Variants in PTPRQ observed in about 807,000 individuals in gnomAD.
PTPRQ encodes the protein phosphatidylinositol phosphatase PTPRQ.
A neutral mutation model predicts 246.0 loss-of-function variants in PTPRQ; 199 were observed. The ratio of observed to expected loss-of-function variants is 0.81; its 90% CI spans 0.72 to 0.91. The LOEUF (loss-of-function observed/expected upper bound fraction) is 0.91. Among genes scored for constraint, PTPRQ ranks in the 40% least tolerant of loss-of-function variants. The probability of loss-of-function intolerance (pLI) is 0.00; values close to 1 mark genes in which losing one functional copy is unlikely to be tolerated. For synonymous variants in PTPRQ, 869 were observed against 853.2 expected (o/e 1.02, Z -0.32); for missense variants, 2,624 against 2,528.4 (o/e 1.04, Z -0.81).
intron 8 of PTPRQ, among the ~76,000 whole-genome samples, chr12:80,480,182 C>T (rs531971236): frequency 9.3e-4 from 141 of 152,174 alleles, no homozygotes; most frequent in Middle Eastern, 3.4e-3. Context: ...TCTCTGAGAC[C>T]ACAGTGCAAT....
rs544041148 is a variant in PTPRQ, at chr12:80,458,484, A to C, written c.461-800A>C. ...TTTTAGCATCCTTTTGTACAATGTA[A>C]ACCTAAACTCTAGTTATTTGGCATC... On this transcript the variant is annotated intron_variant, in intron 4 of 44. Coordinates refer to ENST00000644991, the MANE Select transcript of PTPRQ (RefSeq NM_001145026.2). 1.2e-3 allele frequency among the ~76,000 whole-genome samples: 176 copies of C among 152,176 alleles called. 1 individual carries two copies. Among genetic ancestry groups the C allele is most frequent in the Non-Finnish European group, 1.6e-3 (109 of 67,944 alleles).
At chr12:80,635,116 G>A (rs1899597148) in intron 35 of PTPRQ, 43 bp downstream of exon 35, 1 of 1,544,968 alleles carries the variant, frequency 6.5e-7, no homozygotes, top group Non-Finnish European at 8.7e-7. Flanking sequence ...AGAGGGCCTG[G>A]AGCCATGACC....
At chr12:80,621,980 T>C in intron 32 of PTPRQ, 81 bp from the exon 33 acceptor site, 1 of 997,094 alleles carries the variant, frequency 1.0e-6, no homozygotes. Flanking sequence ...AATAAATAGT[T>C]TTTATAATTA....
At chr12:80,649,557 G>T in intron 36 of PTPRQ, 31 bp from the exon 37 acceptor site, 2 of 1,547,186 alleles carry the variant, frequency 1.3e-6, no homozygotes, top group South Asian at 2.4e-5. Context: ...AATCTAACAT[G>T]ACCCTATTTT....
intron 16 of PTPRQ, 133 bp downstream of exon 16, chr12:80,506,803 A>T (rs1311386540): frequency 1.6e-6 from 1 of 610,808 alleles, no homozygotes; most frequent in Non-Finnish European, 2.6e-6. Flanking sequence ...TTATACAGAG[A>T]TTTCATTGTC....
chr12:80,649,707 C>A, intron 37 of PTPRQ, 38 bp downstream of exon 37: 1 of 1,522,158 alleles, frequency 6.6e-7, no homozygotes, highest in Non-Finnish European at 8.8e-7. Flanking sequence ...TGCAAGACCT[C>A]CAGTCGTTTC....
intron 25 of PTPRQ, among the ~76,000 whole-genome samples, chr12:80,560,283 G>A (rs1408168764): frequency 6.6e-6 from 1 of 152,258 alleles, no homozygotes; most frequent in South Asian, 2.1e-4. Flanking sequence ...GTATTTTAAG[G>A]CTTGGTGTCA....
At chr12:80,517,431 A>G (rs1895338761) in intron 17 of PTPRQ, among the ~76,000 whole-genome samples, 1 of 152,162 alleles carries the variant, frequency 6.6e-6, no homozygotes, top group African/African-American at 2.4e-5. Context: ...CTTTGATACA[A>G]GCGTGTAACA....
Position 80,541,569 on chromosome 12 carries a change from G to C in PTPRQ, c.3169G>C (p.Val1057Leu). Residue 1057 changes from valine to leucine, a missense_variant, in exon 21 of 45, where the codon GTT becomes CTT. Physicochemically the swap from Val to Leu is conservative, Grantham distance 32. Transcript: ENST00000644991. ...YTDQDIPEGF[V>L]GNLTYESISS... The stretch of plus-strand genomic sequence containing the variant: ...ACCTATCATAGTACCTGAAGGGTTT[G>C]TTGGAAACCTGACTTACGAATCCAT... 1 of 1,528,038 alleles carries C rather than the reference G, an allele frequency of 6.5e-7. No individual in the cohort carries two copies. Among genetic ancestry groups the C allele is most frequent in the Non-Finnish European group, 8.8e-7 (1 of 1,135,154 alleles). The allele number at this position is 1,528,038 out of a possible 1,614,324, so 94.7% of individuals were successfully genotyped here. A position where few individuals can be genotyped will look rare whatever the true frequency, so the allele number is the denominator to read the frequency against.
intron 26 of PTPRQ, among the ~76,000 whole-genome samples, chr12:80,599,161 G>T (rs976278827): frequency 2.0e-4 from 30 of 151,828 alleles, no homozygotes; most frequent in Admixed American, 1.7e-3. Flanking sequence ...ACCCACATAA[G>T]ACCCACATTC....
intron 17 of PTPRQ, among the ~76,000 whole-genome samples, chr12:80,528,480 G>GT (rs11399287): frequency 0.9 from 136,401 of 152,020 alleles, 61,776 homozygotes; most frequent in Non-Finnish European, 0.93. Flanking sequence ...TAAAAGTCTT[G>GT]TTTTTTCTAA....
chr12:80,632,197 G>C lies in PTPRQ; in HGVS notation c.5692G>C (p.Gly1898Arg), dbSNP rs1318263721. ...YSDPVKTLGE[G>R]LSERTVEIIL... is the part of the protein sequence containing the mutation. ...CTGTTATCCCTCTTCTCCAGGGGAA[G>C]GACTTTCAGAAAGAACCGTAGAGAT... The change falls in exon 34 of 45, where the codon GGA becomes CGA. Residue 1898 changes from glycine to arginine, a missense_variant. By Grantham distance (125) the Gly-to-Arg change is moderately radical. Transcript: ENST00000644991. The C allele has an allele frequency of 1.3e-6, 2 of 1,550,702 alleles. No homozygotes were observed. The highest frequency in any genetic ancestry group is 1.7e-6 in the Non-Finnish European group (2 of 1,146,598).
At chr12:80,672,253 G>T (rs1478979689) in intron 42 of PTPRQ, among the ~76,000 whole-genome samples, 1 of 151,538 alleles carries the variant, frequency 6.6e-6, no homozygotes. Context: ...TGATCCAGGT[G>T]CCCAGAACAG....
chr12:80,472,169 A>T lies in PTPRQ; in HGVS notation c.1104A>T (p.Thr368=), dbSNP rs61729291. ...KFAFTNLTPF[T]MYDVYIAAET... is the part of the protein sequence containing the mutation. ...CATTCACTAACCTAACACCATTTAC[A>T]ATGTATGATGTCTATATTGCGGCTG... Residue 368 remains threonine, a synonymous_variant, in exon 8 of 45, where the codon ACA becomes ACT. Transcript: ENST00000644991. 7.1e-6 allele frequency: 11 copies of T among 1,551,598 alleles called. No homozygotes were observed. In the South Asian group the frequency reaches 1.2e-4, roughly 17 times the overall value.
At position 80,613,298 on chromosome 12, in the gene PTPRQ, A is replaced by G. The variant is rs559774496; in HGVS notation, c.4919-294A>G. Among the ~76,000 whole-genome samples the G allele has an allele frequency of 2.0e-5, 3 of 150,658 alleles. No individual in the cohort carries two copies. In the South Asian group the frequency reaches 6.2e-4, roughly 31 times the overall value. ...ATGCCATTGCACTCCAGTCAGGGTGACAAAGGGAGACCCTGTCTCGAAAAC... is the reference window on the plus strand; with the variant it reads ...ATGCCATTGCACTCCAGTCAGGGTGGCAAAGGGAGACCCTGTCTCGAAAAC... On this transcript the variant is annotated intron_variant, in intron 28 of 44. Transcript: ENST00000644991.
intron 35 of PTPRQ, among the ~76,000 whole-genome samples, chr12:80,643,154 A>C (rs1353102144): frequency 6.6e-6 from 1 of 151,940 alleles, no homozygotes; most frequent in African/African-American, 2.4e-5. Flanking sequence ...AAAGTATTAC[A>C]TGGCCAGGCG....
At chr12:80,608,175 A>G (rs1352458837) in intron 27 of PTPRQ, among the ~76,000 whole-genome samples, 1 of 150,576 alleles carries the variant, frequency 6.6e-6, no homozygotes, top group Admixed American at 6.6e-5. Flanking sequence ...GGGCAGGAAG[A>G]GGAGAACCAG....
intron 3 of PTPRQ, among the ~76,000 whole-genome samples, chr12:80,456,357 G>C (rs1201891204): frequency 6.6e-6 from 1 of 152,066 alleles, no homozygotes; most frequent in Non-Finnish European, 1.5e-5. Context: ...CAAAATAAAA[G>C]ATTTGTGATG....
intron 25 of PTPRQ, among the ~76,000 whole-genome samples, chr12:80,585,641 A>G (rs1336326335): frequency 6.6e-6 from 1 of 151,980 alleles, no homozygotes; most frequent in Non-Finnish European, 1.5e-5. Context: ...GCCTCCAACT[A>G]TACAGTTTCC....
Sources: allele counts gnomAD v4.1 joint callset (sites outside exome capture counted in the v4.1 genomes callset), GRCh38; gene constraint gnomAD v4.1.1; transcripts MANE v1.5; gene names NCBI Gene and HGNC (gene_info 2026-07-23, HGNC 2026-07-21).